LZTFL1: variants seen among roughly 807,000 people sequenced by gnomAD.
LZTFL1 encodes leucine zipper transcription factor like 1.
Under a neutral mutation model 45.9 loss-of-function variants are expected in LZTFL1, and 25 were observed. The observed-to-expected ratio is 0.54, with a 90% confidence interval of 0.40 to 0.76. LZTFL1 has a LOEUF of 0.76. Among genes scored for constraint, LZTFL1 ranks in the 30% least tolerant of loss-of-function variants. The probability of loss-of-function intolerance (pLI) is 0.00; values close to 1 mark genes in which losing one functional copy is unlikely to be tolerated. For missense variants in LZTFL1, 277 were observed against 331.1 expected, an observed-to-expected ratio of 0.84 and a Z score of 1.27; for synonymous variants, 93 against 117.4, an observed-to-expected ratio of 0.79 and a Z score of 1.35.
chr3:45,879,965 C>T (rs1701822400), intron 2 of LZTFL1, among the ~76,000 whole-genome samples: 1 of 152,116 alleles, frequency 6.6e-6, no homozygotes, highest in Admixed American at 6.5e-5. Flanking sequence ...TGTGTGTGTC[C>T]TCCTTCCATC....
At chr3:45,890,000 T>C (rs2125739957) in intron 2 of LZTFL1, among the ~76,000 whole-genome samples, 1 of 151,364 alleles carries the variant, frequency 6.6e-6, no homozygotes, top group East Asian at 2.0e-4. Flanking sequence ...TTGACAGATA[T>C]GGCTTAACCC....
chr3:45,906,151 T>C (rs1329891285), intron 2 of LZTFL1, among the ~76,000 whole-genome samples: 2 of 152,102 alleles, frequency 1.3e-5, no homozygotes, highest in East Asian at 3.9e-4. Flanking sequence ...GTAAGAACAC[T>C]GGGTATGCAG....
chr3:45,914,937 C>T (rs1004534498), intron 1 of LZTFL1, among the ~76,000 whole-genome samples: 7 of 152,290 alleles, frequency 4.6e-5, no homozygotes, highest in East Asian at 1.9e-4. Context: ...GGAACCCTGT[C>T]GCTCATTCAC....
At chr3:45,866,205 C>T (rs536316941) in intron 2 of LZTFL1, among the ~76,000 whole-genome samples, 1 of 152,186 alleles carries the variant, frequency 6.6e-6, no homozygotes, top group East Asian at 1.9e-4. Context: ...TGTTCACCAC[C>T]TTCATTGTGC....
In LZTFL1 at chr3:45,826,094, G is replaced by C. The variant is rs1423113976; in HGVS notation, c.*220C>G. On this transcript the variant is annotated 3_prime_UTR_variant, in exon 10 of 10. Coordinates refer to ENST00000296135, the MANE Select transcript of LZTFL1 (RefSeq NM_020347.4). ...TCAGTGCATGTGAGCTAAGACTCTG[G>C]AGCACTCAGTAGAGAGGTGTGTGGG... The C allele has an allele frequency of 1.9e-6, 1 of 513,840 alleles. No homozygotes were observed. Among genetic ancestry groups the C allele is most frequent in the Admixed American group, 3.5e-5 (1 of 28,182 alleles). The allele number at this position is 513,840 out of a possible 1,614,324, so 31.8% of individuals were successfully genotyped here.
chr3:45,851,852 T>C (rs764592649), intron 4 of LZTFL1, among the ~76,000 whole-genome samples: 8 of 147,848 alleles, frequency 5.4e-5, no homozygotes, highest in African/African-American at 1.7e-4. Context: ...TTTTTTTTTG[T>C]TCTTGTTCCC....
At chr3:45,913,990 G>A (rs1575315462) in intron 1 of LZTFL1, among the ~76,000 whole-genome samples, 1 of 152,124 alleles carries the variant, frequency 6.6e-6, no homozygotes, top group East Asian at 1.9e-4. Flanking sequence ...TTTATACCAG[G>A]GGATTCATTT....
intron 2 of LZTFL1, among the ~76,000 whole-genome samples, chr3:45,865,939 C>T (rs1332385699): frequency 2.0e-5 from 3 of 152,088 alleles, no homozygotes; most frequent in Admixed American, 1.3e-4. Flanking sequence ...GCCATGTAAT[C>T]GAATACTATT....
chr3:45,909,924 AT>A (rs1393341986), intron 2 of LZTFL1, among the ~76,000 whole-genome samples: 1 of 152,228 alleles, frequency 6.6e-6, no homozygotes, highest in African/African-American at 2.4e-5. Context: ...ATCACCCCTA[AT>A]TCTCACAGGT....
intron 2 of LZTFL1, chr3:45,895,028 T>A: frequency 7.0e-7 from 1 of 1,431,206 alleles, no homozygotes; most frequent in Non-Finnish European, 9.9e-7. Flanking sequence ...GTGGGAAGGA[T>A]CCACTGTGGG....
intron 4 of LZTFL1, among the ~76,000 whole-genome samples, chr3:45,853,218 A>G (rs994145560): frequency 3.9e-5 from 6 of 152,226 alleles, no homozygotes; most frequent in Middle Eastern, 3.2e-3. Flanking sequence ...GATTTGAATT[A>G]GATGTACTGG....
intron 2 of LZTFL1, among the ~76,000 whole-genome samples, chr3:45,877,873 G>A (rs58819318): frequency 0.083 from 12,533 of 151,468 alleles, 634 homozygotes; most frequent in East Asian, 0.25. Context: ...AGCCTCCTGA[G>A]TAGCTGGAAT....
At chr3:45,863,200 T>C (rs1701520985) in intron 2 of LZTFL1, among the ~76,000 whole-genome samples, 2 of 152,230 alleles carry the variant, frequency 1.3e-5, no homozygotes, top group South Asian at 4.1e-4. Flanking sequence ...GTCCTTCAGG[T>C]AGGAACTATA....
At chr3:45,839,534 G>A (rs1575261321) in intron 1 of LZTFL1, among the ~76,000 whole-genome samples, 1 of 152,136 alleles carries the variant, frequency 6.6e-6, no homozygotes, top group South Asian at 2.1e-4. Context: ...CATCAGTCCT[G>A]AAACATGACT....
At chr3:45,830,649 G>T (rs1355515203) in intron 7 of LZTFL1, among the ~76,000 whole-genome samples, 3 of 151,934 alleles carry the variant, frequency 2.0e-5, no homozygotes, top group African/African-American at 7.3e-5. Flanking sequence ...AAAAATAAAT[G>T]TGAGAATATC....
intron 2 of LZTFL1, among the ~76,000 whole-genome samples, chr3:45,865,546 G>A (rs1210441053): frequency 1.3e-5 from 2 of 152,314 alleles, no homozygotes; most frequent in Admixed American, 6.5e-5. Context: ...TATGTATGAC[G>A]AACTAGGAAA....
rs1022293705 is a variant in LZTFL1 at position 45,880,844 on chromosome 3, C to T, written c.-214-21828G>A. Among the ~76,000 whole-genome samples, 5 of 152,316 alleles carry T rather than the reference C, an allele frequency of 3.3e-5. No homozygotes were observed. The East Asian group carries it at 9.7e-4, about 29-fold the overall frequency. On this transcript the variant is annotated intron_variant, in intron 2 of 4. Coordinates refer to the LZTFL1 transcript ENST00000472635. ...GTGTGAGGGCCCCCTTCCCACGCCA[C>T]TCCCTCCATCACCTCTGTCTGTACT...
intron 3 of LZTFL1, chr3:45,855,151 C>G (rs1298868688): frequency 1.2e-6 from 1 of 812,396 alleles, no homozygotes; most frequent in African/African-American, 1.7e-5. Context: ...AACATCAATG[C>G]AAAAATCCTC....
At position 45,901,658 on chromosome 3, in the gene LZTFL1, C is replaced by T. The variant is rs199948255; in HGVS notation, c.-215+11462G>A. 336 of 1,613,882 alleles carry T rather than the reference C, an allele frequency of 2.1e-4. No homozygotes were observed. Among genetic ancestry groups the T allele is most frequent in the Non-Finnish European group, 2.7e-4 (322 of 1,179,840 alleles). On this transcript the variant is annotated intron_variant, in intron 2 of 4. Coordinates refer to the LZTFL1 transcript ENST00000472635. This position sits in a 1 kb window ranked among gnomAD's most constrained non-coding sequence, Gnocchi z 4.3. ...ATGCCATGTTCATCTCCAACTGTGC[C>T]GTTTCCACCAACATTGACATCTGCT...
Sources: gnomAD v4.1 joint callset for allele counts (sites outside exome capture counted in the v4.1 genomes callset) on GRCh38, gnomAD v4.1.1 for gene constraint, Gnocchi (gnomAD v3.1) non-coding constraint, MANE v1.5 for transcripts, NCBI Gene and HGNC (gene_info 2026-07-23, HGNC 2026-07-21) for gene names.